Variants in MAP9 observed in about 807,000 individuals in gnomAD.
The protein encoded by MAP9 is microtubule-associated protein 9.
In MAP9, 80 loss-of-function variants were observed where a neutral mutation model predicts 75.2. That is an observed-to-expected ratio of 1.06 (90% CI 0.89 to 1.28). MAP9 has a LOEUF of 1.28. MAP9 is among the 50% of genes most tolerant of loss of function. The pLI, the probability that MAP9 is intolerant of heterozygous loss-of-function variation, is 0.00. For missense variants in MAP9, 753 were observed against 719.9 expected (o/e 1.05, Z -0.53); for synonymous variants, 235 against 237.3 (o/e 0.99, Z 0.09).
At chr4:155,361,399 T>C (rs1453138033) in intron 6 of MAP9, 1 of 152,054 alleles carries the variant, frequency 6.6e-6, no homozygotes, top group African/African-American at 2.4e-5. Flanking sequence ...TAGTAAGCAC[T>C]AAAATGTTCA....
chr4:155,371,682 A>G (rs1455624322), intron 4 of MAP9, among the ~76,000 whole-genome samples: 1 of 151,692 alleles, frequency 6.6e-6, no homozygotes, highest in African/African-American at 2.4e-5. Flanking sequence ...TGGTTAAAAT[A>G]CAGTATTTTC....
At position 155,347,360 on chromosome 4, in the gene MAP9, C is replaced by A. The variant is rs1345319419; in HGVS notation, c.*423G>T. ...TAATATATGCGCACTTCCCAGCGAC[C>A]CTTCATTTAAAAACCTGAATCTAGA... On this transcript the variant is annotated 3_prime_UTR_variant, in exon 14 of 14. Transcript: ENST00000311277. The A allele has an allele frequency of 2.6e-5, 4 of 154,112 alleles. No homozygotes were observed. The Admixed American group carries it at 2.6e-4, about 10-fold the overall frequency. The allele number at this position is 154,112 out of a possible 1,614,324, so 9.5% of individuals were successfully genotyped here. A position where few individuals can be genotyped will look rare whatever the true frequency, so the allele number is the denominator to read the frequency against.
chr4:155,366,976 C>A (rs1399472604), intron 5 of MAP9, among the ~76,000 whole-genome samples: 2 of 152,082 alleles, frequency 1.3e-5, no homozygotes, highest in African/African-American at 4.8e-5. Flanking sequence ...AAATTACAGA[C>A]CAATAGACTT....
At chr4:155,353,473 C>G in intron 10 of MAP9, 133 bp from the exon 11 acceptor site, 8 of 734,982 alleles carry the variant, frequency 1.1e-5, no homozygotes. Flanking sequence ...TAGAAATTAA[C>G]TTTCAAAGTA....
chr4:155,374,980 TTGTC>T lies in MAP9; in HGVS notation c.113_116del (p.Arg38LysfsTer18), dbSNP rs2111297889. 2 of 1,592,540 alleles carry T rather than the reference TTGTC, an allele frequency of 1.3e-6. No homozygotes were observed. Among genetic ancestry groups the T allele is most frequent in the Non-Finnish European group, 1.7e-6 (2 of 1,163,712 alleles). Reference sequence around the variant, plus strand: ...AGTCATCTGAGTATTCAGAACTCCTTTGTCTGGCTGAGCGAGCTGTAATTGCTCT... The same window carrying T: ...AGTCATCTGAGTATTCAGAACTCCTTTGGCTGAGCGAGCTGTAATTGCTCT... On this transcript the variant is annotated frameshift_variant, in exon 3 of 14. Transcript: ENST00000311277. LOFTEE classifies it high-confidence loss of function.
chr4:155,356,937 G>A (rs1731817391), intron 8 of MAP9, among the ~76,000 whole-genome samples: 2 of 152,170 alleles, frequency 1.3e-5, no homozygotes, highest in Admixed American at 6.6e-5. Context: ...TGTGAATGAA[G>A]CTATACAGAT....
At chr4:155,364,068 TAAA>T (rs1217563128) in intron 5 of MAP9, among the ~76,000 whole-genome samples, 3 of 151,984 alleles carry the variant, frequency 2.0e-5, no homozygotes, top group East Asian at 3.9e-4. Context: ...AATCAAAAGA[TAAA>T]AACCACAATC....
chr4:155,373,582 A>G, intron 3 of MAP9, 126 bp from the exon 4 acceptor site: 1 of 569,936 alleles, frequency 1.8e-6, no homozygotes, highest in Non-Finnish European at 2.9e-6. Context: ...GCACAAATGT[A>G]TTTTATAAAT....
intron 10 of MAP9, 52 bp downstream of exon 10, chr4:155,355,019 A>G (rs1731704094): frequency 3.8e-6 from 3 of 787,796 alleles, no homozygotes; most frequent in Non-Finnish European, 6.0e-6. Flanking sequence ...ATTCAGGGAT[A>G]TTTTACTGAA....
intron 5 of MAP9, chr4:155,363,317 G>A (rs895165732): frequency 6.6e-6 from 1 of 151,998 alleles, no homozygotes; most frequent in Non-Finnish European, 1.5e-5. Flanking sequence ...GGACATAAAA[G>A]AATACAGAAT....
At chr4:155,351,106 A>G (rs1358066691) in intron 13 of MAP9, 1 of 151,964 alleles carries the variant, frequency 6.6e-6, no homozygotes, top group African/African-American at 2.4e-5. Flanking sequence ...ATCCAAGCAG[A>G]TATTTAGACA....
chr4:155,345,632 A>C lies in MAP9; in HGVS notation c.*2151T>G, dbSNP rs948793315. ...TAATAAATCAATAATGACAACAATG[A>C]ACATTTAAGTCCTTATTATGTGTCA... On this transcript the variant is annotated 3_prime_UTR_variant, in exon 14 of 14. Coordinates refer to ENST00000311277, the MANE Select transcript of MAP9 (RefSeq NM_001039580.2). The C allele has an allele frequency of 2.6e-5, 4 of 152,122 alleles. No individual in the cohort carries two copies. Among genetic ancestry groups the C allele is most frequent in the Non-Finnish European group, 4.4e-5 (3 of 67,990 alleles). The allele number at this position is 152,122 out of a possible 1,614,324, so 9.4% of individuals were successfully genotyped here.
At chr4:155,359,365 CACTT>C (rs1448110551) in intron 7 of MAP9, among the ~76,000 whole-genome samples, 2 of 151,896 alleles carry the variant, frequency 1.3e-5, no homozygotes, top group African/African-American at 2.4e-5. Context: ...TACATGTTCT[CACTT>C]ACAAGTCAGA....
At chr4:155,372,974 C>A in intron 4 of MAP9, 162 bp downstream of exon 4, 1 of 508,806 alleles carries the variant, frequency 2.0e-6, no homozygotes, top group Non-Finnish European at 3.4e-6. Context: ...TACAACAGGT[C>A]TGTAAAATTG....
chr4:155,368,575 G>A lies in MAP9; in HGVS notation c.708+11C>T, dbSNP rs761496254. Reference sequence around the variant, plus strand: ...AAGAACACAATTCAACAGTTTAGTGGTAGTGCTAACCTCAGGATCAAGGTT... The same window carrying A: ...AAGAACACAATTCAACAGTTTAGTGATAGTGCTAACCTCAGGATCAAGGTT... On this transcript the variant is annotated intron_variant, in intron 5 of 13. Transcript: ENST00000311277. 1.6e-5 allele frequency: 26 copies of A among 1,579,704 alleles called. No homozygotes were observed. The highest frequency in any genetic ancestry group is 2.2e-5 in the Non-Finnish European group (25 of 1,148,794).
intron 5 of MAP9, among the ~76,000 whole-genome samples, chr4:155,364,198 TAGAAGAAGGCAACTGTTAGACA>T (rs1732219182): frequency 6.6e-6 from 1 of 151,902 alleles, no homozygotes; most frequent in Non-Finnish European, 1.5e-5. Context: ...GAGCTGGAGG[TAGAAGAAGGCAACTGTTAGACA>T]AGAAGAATAC....
chr4:155,368,554 A>T, intron 5 of MAP9, 32 bp downstream of exon 5: 1 of 1,507,510 alleles, frequency 6.6e-7, no homozygotes, highest in Non-Finnish European at 9.2e-7. Context: ...AAATTCAAGA[A>T]CACAATTCAA....
intron 13 of MAP9, chr4:155,350,384 T>G (rs1460428489): frequency 3.5e-6 from 1 of 286,552 alleles, no homozygotes; most frequent in Non-Finnish European, 6.7e-6. Context: ...TGAGGAATTC[T>G]TGTTCTTCAG....
chr4:155,355,681 A>G, intron 9 of MAP9, 35 bp downstream of exon 9: 6 of 1,520,970 alleles, frequency 3.9e-6, no homozygotes, highest in Non-Finnish European at 5.4e-6. Context: ...GAAAGTGATC[A>G]TTCTTCTTCT....
Sources: allele counts gnomAD v4.1 joint callset (sites outside exome capture counted in the v4.1 genomes callset), GRCh38; gene constraint gnomAD v4.1.1; transcripts MANE v1.5; gene names NCBI Gene and HGNC (gene_info 2026-07-23, HGNC 2026-07-21).